Variants in FAT3 observed in about 807,000 individuals in gnomAD.
The protein encoded by FAT3 is FAT atypical cadherin 3.
Under a neutral mutation model 310.2 loss-of-function variants are expected in FAT3, and 95 were observed. The observed-to-expected ratio is 0.31, with a 90% CI of 0.26 to 0.36. FAT3 has a LOEUF of 0.36. Among genes scored for constraint, FAT3 ranks in the 10% least tolerant of loss-of-function variants. FAT3 has a pLI of 1.00. For synonymous variants in FAT3, 2,314 were observed against 2,192.9 expected, an observed-to-expected ratio of 1.06 and a Z score of -1.54; for missense variants, 5,408 against 5,715.6, an observed-to-expected ratio of 0.95 and a Z score of 1.74.
At chr11:92,680,456 CA>C in intron 3 of FAT3, among the ~76,000 whole-genome samples, 1 of 152,286 alleles carries the variant, frequency 6.6e-6, no homozygotes, top group East Asian at 1.9e-4. Flanking sequence ...TATTCTGGTC[CA>C]TTGATCTATG....
At chr11:92,511,979 A>C (rs1284467852) in intron 2 of FAT3, among the ~76,000 whole-genome samples, 2 of 152,158 alleles carry the variant, frequency 1.3e-5, no homozygotes, top group Non-Finnish European at 2.9e-5. Flanking sequence ...AGAACTTGGA[A>C]TTGCCTTCTT....
intron 3 of FAT3, among the ~76,000 whole-genome samples, chr11:92,526,248 A>G (rs1187893305): frequency 6.6e-6 from 1 of 152,218 alleles, no homozygotes; most frequent in Non-Finnish European, 1.5e-5. Flanking sequence ...ACTTTTTGGT[A>G]TGGCAAAGAG....
chr11:92,335,882 A>G, intron 1 of FAT3: 1 of 259,334 alleles, frequency 3.9e-6, no homozygotes, highest in Middle Eastern at 1.3e-3. Flanking sequence ...TCAAACAGAC[A>G]CAACAAAGTC....
At chr11:92,738,701 G>A (rs1006573642) in intron 4 of FAT3, among the ~76,000 whole-genome samples, 3 of 152,130 alleles carry the variant, frequency 2.0e-5, no homozygotes, top group South Asian at 2.1e-4. Context: ...AATTTTTCCT[G>A]GAAAAGTATG....
At chr11:92,487,413 C>T (rs2135220292) in intron 2 of FAT3, among the ~76,000 whole-genome samples, 1 of 152,296 alleles carries the variant, frequency 6.6e-6, no homozygotes, top group Non-Finnish European at 1.5e-5. Context: ...AATTCTATAA[C>T]TGAGTGCCTT....
chr11:92,401,163 C>A lies in FAT3; in HGVS notation c.3292+45759C>A, dbSNP rs539614803. On this transcript the variant is annotated intron_variant, in intron 2 of 27. Coordinates refer to ENST00000525166, the MANE Select transcript of FAT3 (RefSeq NM_001367949.2). ...CAGATGCCATAAGCTGGCGGGGATA[C>A]TTTACTAGTTATTTTGATGAATTGC... Among the ~76,000 whole-genome samples, 13 of 152,230 alleles carry A rather than the reference C, an allele frequency of 8.5e-5. No homozygotes were observed. In the East Asian group the frequency reaches 1.7e-3, roughly 20 times the overall value.
chr11:92,518,268 T>A lies in FAT3; in HGVS notation c.3293-6366T>A, dbSNP rs181823515. On this transcript the variant is annotated intron_variant, in intron 2 of 27. Coordinates refer to ENST00000525166, the MANE Select transcript of FAT3 (RefSeq NM_001367949.2). ...AGCAAAGATTTGCAACCAACCCAAA[T>A]GCCCATCAATGATAGACTGGTTAAA... Among the ~76,000 whole-genome samples, 898 of 152,244 alleles carry A rather than the reference T, an allele frequency of 5.9e-3. 2 individuals carry two copies. The highest frequency in any genetic ancestry group is 9.8e-3 in the Non-Finnish European group (670 of 68,030).
intron 2 of FAT3, chr11:92,498,999 A>G (rs1952848857): frequency 6.6e-6 from 1 of 152,030 alleles, no homozygotes; most frequent in African/African-American, 2.4e-5. Context: ...TCATGTGTTT[A>G]TAGAGATGTA....
intron 13 of FAT3, among the ~76,000 whole-genome samples, chr11:92,817,995 C>G (rs1214077386): frequency 2.0e-5 from 3 of 152,186 alleles, no homozygotes; most frequent in Non-Finnish European, 4.4e-5. Context: ...GCCCTGGGTT[C>G]TCAGTTTCCT....
At chr11:92,361,698 A>G (rs915117909) in intron 2 of FAT3, among the ~76,000 whole-genome samples, 1 of 152,128 alleles carries the variant, frequency 6.6e-6, no homozygotes, top group African/African-American at 2.4e-5. Context: ...ACTTAAACTG[A>G]CTATGACACT....
At chr11:92,837,865 T>C in intron 17 of FAT3, 59 bp downstream of exon 17, 1 of 1,601,598 alleles carries the variant, frequency 6.2e-7, no homozygotes, top group East Asian at 2.2e-5. Flanking sequence ...CTTCCTCTGC[T>C]GTGGTTTACT....
In FAT3 at chr11:92,352,748, C is replaced by G. The variant is rs1183489420; in HGVS notation, c.636C>G (p.Val212=). 1 of 1,613,708 alleles carries G rather than the reference C, an allele frequency of 6.2e-7. No individual in the cohort carries two copies. The highest frequency in any genetic ancestry group is 1.3e-5 in the African/African-American group (1 of 74,910). ...DLFSVHPTSG[V]ISLSGRLNYD... is the part of the protein sequence containing the mutation. ...TTTCAGTTCACCCCACGAGTGGTGT[C>G]ATCTCCTTAAGTGGTCGATTAAATT... Residue 212 remains valine, a synonymous_variant, in exon 2 of 28, where the codon GTC becomes GTG. Transcript: ENST00000525166.
intron 12 of FAT3, 52 bp downstream of exon 12, chr11:92,806,567 A>G (rs1270030655): frequency 2.8e-5 from 41 of 1,465,122 alleles, no homozygotes; most frequent in Non-Finnish European, 3.7e-5. Flanking sequence ...TCATGAGAGA[A>G]GTTAAACTTA....
chr11:92,238,504 T>G (rs1295110033), intron 1 of FAT3, among the ~76,000 whole-genome samples: 1 of 152,060 alleles, frequency 6.6e-6, no homozygotes, highest in Non-Finnish European at 1.5e-5. Flanking sequence ...TTTGTTTGTT[T>G]TGTTTTTTGT....
chr11:92,444,331 AAGAAGATC>A (rs112148545), intron 2 of FAT3, among the ~76,000 whole-genome samples: 133,061 of 151,402 alleles, frequency 0.88, 58,533 homozygotes, highest in Admixed American at 0.89. Flanking sequence ...CATTATGAAG[AAGAAGATC>A]AGAAGATCTG....
intron 22 of FAT3, among the ~76,000 whole-genome samples, chr11:92,873,024 A>G (rs1335795615): frequency 6.6e-6 from 1 of 152,166 alleles, no homozygotes; most frequent in East Asian, 1.9e-4. Flanking sequence ...AACTCCCATG[A>G]TTTCCAGTTG....
chr11:92,822,458 A>G (rs1289486725), intron 13 of FAT3, among the ~76,000 whole-genome samples: 2 of 152,172 alleles, frequency 1.3e-5, no homozygotes, highest in African/African-American at 4.8e-5. Flanking sequence ...CAGAAAATCC[A>G]AGGACCCCAA....
chr11:92,719,067 G>T (rs191922943), intron 4 of FAT3, among the ~76,000 whole-genome samples: 1 of 152,110 alleles, frequency 6.6e-6, no homozygotes, highest in Non-Finnish European at 1.5e-5. Context: ...TACAGTATTA[G>T]GTTCCTGATA....
At chr11:92,296,695 C>T (rs543385746) in intron 1 of FAT3, among the ~76,000 whole-genome samples, 23 of 152,102 alleles carry the variant, frequency 1.5e-4, no homozygotes, top group East Asian at 5.8e-4. Flanking sequence ...AGGCTCAGCG[C>T]GAAATGGAGC....
Sources: gnomAD v4.1 joint callset for allele counts (sites outside exome capture counted in the v4.1 genomes callset) on GRCh38, gnomAD v4.1.1 for gene constraint, MANE v1.5 for transcripts, NCBI Gene and HGNC (gene_info 2026-07-23, HGNC 2026-07-21) for gene names.